The following RALGAPA2 variants were observed in gnomAD, a reference collection of about 807,000 sequenced individuals.
The protein encoded by RALGAPA2 is ral GTPase-activating protein subunit alpha-2.
RALGAPA2 carries 139 observed loss-of-function variants against 230.4 expected under a neutral mutation model. That is an observed-to-expected ratio of 0.60 (90% confidence interval 0.53 to 0.69). RALGAPA2 has a LOEUF of 0.69. RALGAPA2 is among the 30% of genes least tolerant of loss of function. The pLI is 0.00. For synonymous variants in RALGAPA2, 847 were observed against 837.8 expected (o/e 1.01, Z -0.19); for missense variants, 2,163 against 2,276.0 (o/e 0.95, Z 1.01).
chr20:20,400,902 T>C (rs1047638036), intron 38 of RALGAPA2, among the ~76,000 whole-genome samples: 3 of 152,172 alleles, frequency 2.0e-5, no homozygotes, highest in African/African-American at 7.2e-5. Flanking sequence ...CTTGAGAATA[T>C]GCTAAAAGAA....
At chr20:20,568,454 A>T (rs1341000575) in intron 23 of RALGAPA2, among the ~76,000 whole-genome samples, 1 of 152,232 alleles carries the variant, frequency 6.6e-6, no homozygotes, top group Non-Finnish European at 1.5e-5. Flanking sequence ...ATTTTTTAAG[A>T]TACAAATGGT....
chr20:20,651,255 C>G (rs2067385762), intron 4 of RALGAPA2, among the ~76,000 whole-genome samples: 1 of 152,100 alleles, frequency 6.6e-6, no homozygotes, highest in Admixed American at 6.5e-5. Flanking sequence ...GCGATGTGGA[C>G]CTGTGTCAAC....
chr20:20,517,887 G>T (rs2062921436), intron 31 of RALGAPA2, among the ~76,000 whole-genome samples: 1 of 150,606 alleles, frequency 6.6e-6, no homozygotes, highest in Non-Finnish European at 1.5e-5. Flanking sequence ...CAAATGAGAA[G>T]GAACCAGAAA....
chr20:20,612,341 C>G (rs2066000649), intron 13 of RALGAPA2, among the ~76,000 whole-genome samples: 1 of 152,158 alleles, frequency 6.6e-6, no homozygotes, highest in South Asian at 2.1e-4. Context: ...CACATGCTAA[C>G]CATTCATCTA....
At chr20:20,542,537 G>C (rs1317662930) in intron 24 of RALGAPA2, among the ~76,000 whole-genome samples, 1 of 152,122 alleles carries the variant, frequency 6.6e-6, no homozygotes, top group Admixed American at 6.5e-5. Flanking sequence ...AACCAAAACA[G>C]CATGGTACTG....
chr20:20,416,255 G>T (rs1166031701), intron 37 of RALGAPA2, among the ~76,000 whole-genome samples: 2 of 152,204 alleles, frequency 1.3e-5, no homozygotes, highest in African/African-American at 4.8e-5. Flanking sequence ...CTAGGGTTTT[G>T]TTGCAGAAAG....
intron 3 of RALGAPA2, among the ~76,000 whole-genome samples, chr20:20,655,982 TG>T (rs1207890768): frequency 6.6e-6 from 1 of 152,192 alleles, no homozygotes; most frequent in East Asian, 1.9e-4. Context: ...CTGGACATCC[TG>T]CCATTTGAGG....
intron 38 of RALGAPA2, among the ~76,000 whole-genome samples, chr20:20,397,402 G>A (rs2059739413): frequency 1.3e-5 from 2 of 152,164 alleles, no homozygotes; most frequent in African/African-American, 4.8e-5. Flanking sequence ...GAACTGAGGG[G>A]GATTTTAGCT....
chr20:20,671,113 G>A (rs955113471), intron 3 of RALGAPA2, among the ~76,000 whole-genome samples: 1 of 152,184 alleles, frequency 6.6e-6, no homozygotes, highest in Non-Finnish European at 1.5e-5. Context: ...TCTGCTCACT[G>A]CCTGAGACCA....
rs200369501 is a variant in RALGAPA2 at position 20,503,388 on chromosome 20, C to T, written c.5171G>A (p.Arg1724Gln). 37 of 1,603,138 alleles carry T rather than the reference C, an allele frequency of 2.3e-5. No homozygotes were observed. The highest frequency in any genetic ancestry group is 3.1e-5 in the Non-Finnish European group (36 of 1,173,276). Residue 1724 changes from arginine (R) to glutamine (Q), a missense_variant, in exon 35 of 40, where the codon CGA becomes CAA. Physicochemically the swap from Arg to Gln is conservative, Grantham distance 43 (BLOSUM62 1). Coordinates refer to ENST00000202677, the MANE Select transcript of RALGAPA2 (RefSeq NM_020343.4). ...TVEVIFHVST[R>Q]MPSDSDDSLT... is the part of the protein sequence containing the mutation. ...GGAATCATCTGAGTCTGACGGCATT[C>T]GAGTGGAAACATGGAAAATCACTTC...
intron 37 of RALGAPA2, among the ~76,000 whole-genome samples, chr20:20,435,306 G>A (rs2060585945): frequency 6.6e-6 from 1 of 152,206 alleles, no homozygotes; most frequent in Admixed American, 6.5e-5. Flanking sequence ...ATGACGCAGA[G>A]GCAGAAGCAA....
At position 20,524,833 on chromosome 20, in the gene RALGAPA2, C is replaced by T. The variant is rs771414582; in HGVS notation, c.3759G>A (p.Lys1253=). ...SAEYSSVETD[K]KFIVSLLLCL... ...ACTTAGTTAATGTGCCACCTACCTT[C>T]TTGTCTGTTTCCACTGAGGAGTACT... Residue 1253 remains lysine (K), a synonymous_variant, in exon 29 of 40, where the codon AAG becomes AAA. Transcript: ENST00000202677. 14 of 1,597,942 alleles carry T rather than the reference C, an allele frequency of 8.8e-6. No homozygotes were observed. In the African/African-American group the frequency reaches 1.6e-4, roughly 18 times the overall value.
At chr20:20,658,047 G>T (rs937140957) in intron 3 of RALGAPA2, among the ~76,000 whole-genome samples, 9 of 152,294 alleles carry the variant, frequency 5.9e-5, no homozygotes, top group African/African-American at 1.7e-4. Flanking sequence ...CTGTCAGTCT[G>T]CCACAAAAGT....
intron 33 of RALGAPA2, among the ~76,000 whole-genome samples, chr20:20,510,029 T>C (rs1371589748): frequency 1.3e-5 from 2 of 152,188 alleles, no homozygotes; most frequent in African/African-American, 2.4e-5. Context: ...AAGAGTTTGC[T>C]TGAAAATAAA....
rs201393434 is a variant in RALGAPA2, at chr20:20,694,241, G to A, written c.107-13440C>T. The stretch of plus-strand genomic sequence containing the variant: ...AACAAAAAGAACACAGGAGAGATAT[G>A]GTACAAGTCACAGAACTTAATAGTT... On this transcript the variant is annotated intron_variant, in intron 1 of 39. Transcript: ENST00000202677. 3.9e-5 allele frequency among the ~76,000 whole-genome samples: 6 copies of A among 152,068 alleles called. No homozygotes were observed. In the East Asian group the frequency reaches 1.2e-3, roughly 29 times the overall value.
chr20:20,402,961 G>C (rs1310118767), intron 38 of RALGAPA2, among the ~76,000 whole-genome samples: 2 of 152,158 alleles, frequency 1.3e-5, no homozygotes, highest in African/African-American at 4.8e-5. Context: ...CTTGTTCCTT[G>C]ATTGTGCCAG....
intron 4 of RALGAPA2, among the ~76,000 whole-genome samples, chr20:20,651,609 T>C (rs924749925): frequency 1.3e-5 from 2 of 152,190 alleles, no homozygotes; most frequent in African/African-American, 4.8e-5. Flanking sequence ...TTATGTGGTA[T>C]TAGGCAGAAT....
chr20:20,635,524 C>T lies in RALGAPA2; in HGVS notation c.899G>A (p.Arg300His), dbSNP rs190417833. ...TACAATCCACTTAATAAAAACAACA[C>T]GAGCTGCCATATATGGAATCTTTGT... is the stretch of plus-strand genomic sequence containing the variant. ...YSTKIPYMAA[R>H]VVFIKWIVTF... Residue 300 changes from arginine (R) to histidine (H), a missense_variant, in exon 9 of 40, where the codon CGT becomes CAT. Arg to His is a conservative substitution (Grantham distance 29). Coordinates refer to ENST00000202677, the MANE Select transcript of RALGAPA2 (RefSeq NM_020343.4). 80 of 1,592,680 alleles carry T rather than the reference C, an allele frequency of 5.0e-5. No individual in the cohort carries two copies. Among genetic ancestry groups the T allele is most frequent in the Non-Finnish European group, 6.5e-5 (76 of 1,170,952 alleles).
chr20:20,628,764 C>G (rs2066573952), intron 10 of RALGAPA2, among the ~76,000 whole-genome samples: 1 of 152,222 alleles, frequency 6.6e-6, no homozygotes, highest in African/African-American at 2.4e-5. Flanking sequence ...TGATGTCACT[C>G]ACGGCCACTA....
Sources: allele counts gnomAD v4.1 joint callset (sites outside exome capture counted in the v4.1 genomes callset), GRCh38; gene constraint gnomAD v4.1.1; transcripts MANE v1.5; gene names NCBI Gene and HGNC (gene_info 2026-07-23, HGNC 2026-07-21).